The following PDE8B variants were observed in gnomAD, a reference collection of about 807,000 sequenced individuals.
PDE8B encodes phosphodiesterase 8B.
In PDE8B, 26 loss-of-function variants were observed where a neutral mutation model predicts 101.3. The observed-to-expected ratio is 0.26, with a 90% CI of 0.19 to 0.36. The LOEUF (loss-of-function observed/expected upper bound fraction) is 0.36, where lower values mean the gene tolerates loss of function less well. Ranked by LOEUF, PDE8B falls within the 10% of genes least tolerant of loss-of-function variation. The probability of loss-of-function intolerance (pLI) is 1.00; values close to 1 mark genes in which losing one functional copy is unlikely to be tolerated. For missense variants in PDE8B, 810 were observed against 1,163.1 expected (o/e 0.70, Z 4.42); for synonymous variants, 424 against 429.3 (o/e 0.99, Z 0.15).
chr5:77,351,833 A>C (rs982897181), intron 9 of PDE8B, among the ~76,000 whole-genome samples: 2 of 152,154 alleles, frequency 1.3e-5, no homozygotes, highest in African/African-American at 4.8e-5. Context: ...TATAAGGAAC[A>C]CAACGTTGTG....
the PDE8B span, among the ~76,000 whole-genome samples, chr5:77,156,830 G>GAA: frequency 1.3e-5 from 2 of 152,160 alleles, no homozygotes; most frequent in Non-Finnish European, 2.9e-5. Flanking sequence ...ATGGGGTGTA[G>GAA]AAACCCCTTC....
chr5:77,410,594 A>T (rs937906948), intron 14 of PDE8B: 2 of 152,122 alleles, frequency 1.3e-5, no homozygotes, highest in African/African-American at 4.8e-5. Flanking sequence ...CCTCAATTTT[A>T]TGTGGTTTTG....
At chr5:77,252,368 C>T (rs891948469) in intron 1 of PDE8B, among the ~76,000 whole-genome samples, 1 of 152,214 alleles carries the variant, frequency 6.6e-6, no homozygotes, top group Non-Finnish European at 1.5e-5. Flanking sequence ...TTAGCAAATA[C>T]TCATGGGTAC....
chr5:77,234,377 C>T (rs2149503552), intron 1 of PDE8B, among the ~76,000 whole-genome samples: 1 of 152,236 alleles, frequency 6.6e-6, no homozygotes, highest in South Asian at 2.1e-4. Flanking sequence ...CCTACTCACC[C>T]TCACCCAACT....
chr5:77,209,277 T>TTGCTTCTCTA (rs1276425837), upstream of PDE8B, among the ~76,000 whole-genome samples: 1 of 152,164 alleles, frequency 6.6e-6, no homozygotes, highest in Admixed American at 6.5e-5. Flanking sequence ...GAATGATATC[T>TTGCTTCTCTA]TGCTTCTCTA....
intron 1 of PDE8B, among the ~76,000 whole-genome samples, chr5:77,283,564 A>G (rs1409081524): frequency 1.3e-5 from 2 of 152,162 alleles, no homozygotes; most frequent in African/African-American, 2.4e-5. Context: ...AGAATGTTAT[A>G]TGGTTGGAAT....
the PDE8B span, among the ~76,000 whole-genome samples, chr5:77,138,406 C>G: frequency 6.6e-6 from 1 of 152,156 alleles, no homozygotes; most frequent in African/African-American, 2.4e-5. Flanking sequence ...TCTCCCATAG[C>G]TTGTATATTT....
chr5:77,229,520 C>A (rs560227046), intron 1 of PDE8B, among the ~76,000 whole-genome samples: 268 of 152,222 alleles, frequency 1.8e-3, no homozygotes, highest in African/African-American at 6.1e-3. Flanking sequence ...GTTGTAAAAC[C>A]ATTACTGCTA....
At chr5:77,183,017 T>G in the PDE8B span, among the ~76,000 whole-genome samples, 2 of 151,854 alleles carry the variant, frequency 1.3e-5, no homozygotes, top group African/African-American at 2.4e-5. Flanking sequence ...GGTGAAAATT[T>G]TTTAAGTACT....
At chr5:77,298,040 A>AT (rs1424962552) in intron 1 of PDE8B, among the ~76,000 whole-genome samples, 11 of 151,976 alleles carry the variant, frequency 7.2e-5, no homozygotes, top group Admixed American at 6.6e-4. Flanking sequence ...TTTTTGGCTT[A>AT]TTTTCTGTGT....
At chr5:77,275,399 A>T (rs1429656461) in intron 1 of PDE8B, among the ~76,000 whole-genome samples, 1 of 149,974 alleles carries the variant, frequency 6.7e-6, no homozygotes, top group Non-Finnish European at 1.5e-5. Flanking sequence ...CACTTAAAAA[A>T]TTCTTATTTT....
At chr5:77,089,995 G>T in the PDE8B span, among the ~76,000 whole-genome samples, 1 of 152,174 alleles carries the variant, frequency 6.6e-6, no homozygotes, top group East Asian at 1.9e-4. Context: ...GCAGCAACAT[G>T]CAGGGAACTA....
the PDE8B span, among the ~76,000 whole-genome samples, chr5:77,111,433 T>G: frequency 6.6e-6 from 1 of 152,178 alleles, no homozygotes; most frequent in African/African-American, 2.4e-5. Flanking sequence ...ATATCCATAT[T>G]CAAAATGGAG....
At chr5:77,380,618 G>C (rs1445257701) in intron 10 of PDE8B, among the ~76,000 whole-genome samples, 1 of 152,162 alleles carries the variant, frequency 6.6e-6, no homozygotes. Flanking sequence ...CAAACAGCCT[G>C]GTCAATCTCA....
chr5:77,268,975 T>G (rs1236963295), intron 1 of PDE8B, among the ~76,000 whole-genome samples: 1 of 151,864 alleles, frequency 6.6e-6, no homozygotes, highest in Admixed American at 6.6e-5. Context: ...TCCTTTCTTT[T>G]GGGTATATAC....
chr5:77,115,693 G>T, the PDE8B span, among the ~76,000 whole-genome samples: 1 of 152,214 alleles, frequency 6.6e-6, no homozygotes, highest in South Asian at 2.1e-4. Context: ...GGGAGTGAAG[G>T]GGTGGTGGCA....
At chr5:77,250,968 TGTA>T (rs910602696) in intron 1 of PDE8B, among the ~76,000 whole-genome samples, 1 of 152,258 alleles carries the variant, frequency 6.6e-6, no homozygotes, top group African/African-American at 2.4e-5. Flanking sequence ...AATAACCATC[TGTA>T]GTAGTGTAAT....
chr5:77,175,442 C>T, the PDE8B span, among the ~76,000 whole-genome samples: 1 of 152,242 alleles, frequency 6.6e-6, no homozygotes, highest in East Asian at 1.9e-4. Flanking sequence ...CCTATTCTCC[C>T]CAGATCTTTG....
chr5:77,161,532 G>A, the PDE8B span, among the ~76,000 whole-genome samples: 1 of 151,944 alleles, frequency 6.6e-6, no homozygotes, highest in East Asian at 1.9e-4. Flanking sequence ...TTCAGTTTTG[G>A]TCTCATGAGT....
Sources: allele counts gnomAD v4.1 joint callset (sites outside exome capture counted in the v4.1 genomes callset), GRCh38; gene constraint gnomAD v4.1.1; transcripts MANE v1.5; gene names NCBI Gene and HGNC (gene_info 2026-07-23, HGNC 2026-07-21).